Variants in RP1 observed in about 807,000 individuals in gnomAD.
RP1 encodes RP1 axonemal microtubule associated.
Under a neutral mutation model 14.8 loss-of-function variants are expected in RP1, and 16 were observed. The ratio of observed to expected loss-of-function variants is 1.08; its 90% CI spans 0.73 to 1.65. RP1 has a LOEUF of 1.65. RP1 is among the 40% of genes most tolerant of loss of function. RP1 has a pLI of 0.00. For synonymous variants in RP1, 876 were observed against 883.6 expected (o/e 0.99, Z 0.15); for missense variants, 2,631 against 2,535.0 (o/e 1.04, Z -0.81).
chr8:54,738,919 T>G (rs770375017), intron 18 of RP1: 4 of 1,385,966 alleles, frequency 2.9e-6, no homozygotes, highest in Non-Finnish European at 3.8e-6. Flanking sequence ...CTGATAATTT[T>G]TTTCTCCTTT....
chr8:54,732,961 T>C (rs1160272665), intron 17 of RP1, among the ~76,000 whole-genome samples: 1 of 152,150 alleles, frequency 6.6e-6, no homozygotes, highest in Non-Finnish European at 1.5e-5. Flanking sequence ...TCCCAGTCTG[T>C]CCATCTGCTT....
At chr8:54,698,280 G>GA (rs1342949625) in intron 12 of RP1, among the ~76,000 whole-genome samples, 2 of 152,150 alleles carry the variant, frequency 1.3e-5, no homozygotes, top group Admixed American at 1.3e-4. Context: ...ACAAACTTAT[G>GA]AAAAAATGCT....
Position 54,559,709 on chromosome 8 carries a change from C to A in RP1, c.-13+389C>A, listed in dbSNP as rs1312979097. Among the ~76,000 whole-genome samples the A allele has an allele frequency of 2.6e-5, 4 of 152,144 alleles. No individual in the cohort carries two copies. The South Asian group carries it at 8.3e-4, about 32-fold the overall frequency. On this transcript the variant is annotated intron_variant, in intron 1 of 22. Transcript: ENST00000636932. ...AACCCCTGGAGGGTGATGAACAGAA[C>A]AACAGCATGATCCGTCTTAGGTTTT...
chr8:54,675,909 C>T (rs184734906), intron 8 of RP1, among the ~76,000 whole-genome samples: 245 of 152,228 alleles, frequency 1.6e-3, no homozygotes, highest in Admixed American at 3.2e-3. Context: ...TATTCTTACA[C>T]TTCTGGAGGC....
intron 12 of RP1, among the ~76,000 whole-genome samples, chr8:54,694,083 G>T (rs961438485): frequency 2.0e-5 from 3 of 152,122 alleles, no homozygotes; most frequent in Admixed American, 6.6e-5. Flanking sequence ...TAATCATGTG[G>T]TTTTTGTCTT....
At chr8:54,670,661 ATATATGTTTT>A (rs1227613119) in intron 7 of RP1, among the ~76,000 whole-genome samples, 1 of 82,878 alleles carries the variant, frequency 1.2e-5, no homozygotes, top group Non-Finnish European at 2.2e-5. Flanking sequence ...TATGAATAAT[ATATATGTTTT>A]TATATATATA....
chr8:54,775,714 A>C (rs1810019097), intron 23 of RP1, among the ~76,000 whole-genome samples: 1 of 152,218 alleles, frequency 6.6e-6, no homozygotes, highest in Non-Finnish European at 1.5e-5. Flanking sequence ...TTGCGCCATC[A>C]AGTTTTAGGA....
intron 24 of RP1, among the ~76,000 whole-genome samples, chr8:54,831,010 T>C (rs1225508143): frequency 2.0e-5 from 3 of 152,130 alleles, no homozygotes; most frequent in Non-Finnish European, 4.4e-5. Flanking sequence ...TTGAGTTTTA[T>C]CCATGTTGAA....
At chr8:54,658,344 G>A (rs175845) in intron 6 of RP1, among the ~76,000 whole-genome samples, 1 of 149,790 alleles carries the variant, frequency 6.7e-6, no homozygotes, top group African/African-American at 2.5e-5. Context: ...GAGGTCAGGA[G>A]ATCGAGACCA....
intron 24 of RP1, among the ~76,000 whole-genome samples, chr8:54,828,093 C>T (rs556501674): frequency 6.6e-5 from 10 of 152,164 alleles, no homozygotes; most frequent in African/African-American, 1.9e-4. Flanking sequence ...CCTATGATAA[C>T]GATGCTTTCT....
intron 18 of RP1, among the ~76,000 whole-genome samples, chr8:54,738,722 A>G (rs1181001801): frequency 2.0e-5 from 3 of 151,978 alleles, no homozygotes; most frequent in African/African-American, 7.2e-5. Flanking sequence ...CCTTCTGCAT[A>G]TTTTTAGTCA....
At chr8:54,807,383 C>A (rs967248941) in intron 24 of RP1, among the ~76,000 whole-genome samples, 30 of 152,226 alleles carry the variant, frequency 2.0e-4, no homozygotes, top group African/African-American at 7.2e-4. Context: ...TGGTTAGAGT[C>A]TTAACTTGCT....
intron 1 of RP1, among the ~76,000 whole-genome samples, chr8:54,566,313 C>CGGGGAGGGAGA (rs1804404920): frequency 6.6e-6 from 1 of 151,658 alleles, no homozygotes; most frequent in African/African-American, 2.4e-5. Context: ...GAGAGGGAGA[C>CGGGGAGGGAGA]GGGAAGACTC....
downstream of RP1, among the ~76,000 whole-genome samples, chr8:54,771,559 TCTAA>T (rs1170703203): frequency 6.6e-6 from 1 of 152,028 alleles, no homozygotes; most frequent in African/African-American, 2.4e-5. Flanking sequence ...AATGCTTCCT[TCTAA>T]TTAATTATTT....
At chr8:54,834,141 G>T (rs1811603101) in intron 24 of RP1, among the ~76,000 whole-genome samples, 1 of 151,960 alleles carries the variant, frequency 6.6e-6, no homozygotes. Context: ...TGAAACTTAA[G>T]ACTTAAGTTT....
intron 28 of RP1, among the ~76,000 whole-genome samples, chr8:54,869,342 A>G (rs1812528809): frequency 6.6e-6 from 1 of 152,236 alleles, no homozygotes. Flanking sequence ...TACAATTTTT[A>G]TACTGATTAC....
At chr8:54,701,469 T>G (rs774615119) in intron 13 of RP1, 18 of 1,494,742 alleles carry the variant, frequency 1.2e-5, no homozygotes, top group Middle Eastern at 1.7e-4. Context: ...AGAGGGTTTT[T>G]TTGTTTTTCC....
At chr8:54,814,546 A>T (rs1811088511) in intron 24 of RP1, among the ~76,000 whole-genome samples, 1 of 152,174 alleles carries the variant, frequency 6.6e-6, no homozygotes, top group Non-Finnish European at 1.5e-5. Context: ...TCTGTACAGA[A>T]TTGGTCCTGG....
chr8:54,709,894 T>A (rs1025056195), intron 15 of RP1, among the ~76,000 whole-genome samples: 1 of 152,206 alleles, frequency 6.6e-6, no homozygotes, highest in Non-Finnish European at 1.5e-5. Flanking sequence ...AAATACTGTA[T>A]TTAACAAGCA....
Sources: allele counts gnomAD v4.1 joint callset (sites outside exome capture counted in the v4.1 genomes callset), GRCh38; gene constraint gnomAD v4.1.1; transcripts MANE v1.5; gene names NCBI Gene and HGNC (gene_info 2026-07-23, HGNC 2026-07-21).